The following ABL1 variants were observed in gnomAD, a reference collection of about 807,000 sequenced individuals.
The protein encoded by ABL1 is tyrosine-protein kinase ABL1.
A neutral mutation model predicts 94.7 loss-of-function variants in ABL1; 11 were observed. That is an observed-to-expected ratio of 0.12 (90% CI 0.07 to 0.19). The LOEUF (loss-of-function observed/expected upper bound fraction) is 0.19, where lower values mean the gene tolerates loss of function less well. ABL1 is among the 10% of genes least tolerant of loss of function. ABL1 has a pLI of 1.00. For synonymous variants in ABL1, 656 were observed against 622.4 expected (o/e 1.05, Z -0.80); for missense variants, 1,082 against 1,489.4 (o/e 0.73, Z 4.50).
chr9:130,799,058 G>A (rs1450498894), intron 1 of ABL1, among the ~76,000 whole-genome samples: 1 of 151,706 alleles, frequency 6.6e-6, no homozygotes, highest in Non-Finnish European at 1.5e-5. Context: ...ACTCTATGAT[G>A]TATATGAGTT....
intron 1 of ABL1, among the ~76,000 whole-genome samples, chr9:130,819,010 C>T (rs1402635890): frequency 6.6e-6 from 1 of 152,114 alleles, no homozygotes; most frequent in Non-Finnish European, 1.5e-5. Flanking sequence ...GTCTGATTCT[C>T]CCTCTCTCTC....
exon 1 of ABL1, chr9:130,714,167 T>G (rs545483793): frequency 1.5e-6 from 1 of 679,502 alleles, no homozygotes; most frequent in African/African-American, 1.8e-5. Flanking sequence ...CCTTTTGTTA[T>G]GGAAGATGTC....
chr9:130,809,440 G>A (rs966558196), intron 1 of ABL1, among the ~76,000 whole-genome samples: 2 of 150,910 alleles, frequency 1.3e-5, no homozygotes, highest in Non-Finnish European at 2.9e-5. Flanking sequence ...GTGTGTGTGT[G>A]TGTGCACGTG....
At chr9:130,868,438 G>T (rs147376678) in intron 4 of ABL1, among the ~76,000 whole-genome samples, 1,523 of 152,240 alleles carry the variant, frequency 0.01, 31 homozygotes, top group African/African-American at 0.032. Context: ...TGCTCAGGGA[G>T]GGGGTCCCTG....
chr9:130,885,667 A>C lies in ABL1; in HGVS notation c.3377A>C (p.Asp1126Ala). 1 of 1,612,274 alleles carries C rather than the reference A, an allele frequency of 6.2e-7. No homozygotes were observed. The highest frequency in any genetic ancestry group is 8.5e-7 in the Non-Finnish European group (1 of 1,179,524). ...CTCAGTTCGGTGAAGGAAATCAGTG[A>C]CATAGTGCAGAGGTAGCAGCAGTCA... ...KLLSSVKEIS[D>A]IVQR Residue 1126 changes from aspartate (D) to alanine (A), a missense_variant, in exon 11 of 11, where the codon GAC (aspartate) becomes GCC (alanine). Physicochemically the swap from Asp to Ala is moderately radical, Grantham distance 126. This residue lies in a region of ABL1 where 780 missense variants were observed against 835.8 expected (regional missense o/e 0.93). Transcript: ENST00000318560.
intron 1 of ABL1, among the ~76,000 whole-genome samples, chr9:130,760,802 A>C (rs1832102447): frequency 6.6e-6 from 1 of 151,064 alleles, no homozygotes; most frequent in Admixed American, 6.6e-5. Context: ...AGCTGGGACT[A>C]CAGGCACGGG....
chr9:130,737,770 T>C (rs1308955240), intron 1 of ABL1, among the ~76,000 whole-genome samples: 2 of 151,886 alleles, frequency 1.3e-5, no homozygotes, highest in Non-Finnish European at 2.9e-5. Flanking sequence ...GGCATCTGCT[T>C]GTGCCTACTG....
rs1392697484 is a variant in ABL1 at position 130,872,486 on chromosome 9, A to G, written c.907+273A>G. 1.3e-5 allele frequency among the ~76,000 whole-genome samples: 2 copies of G among 152,260 alleles called. No individual in the cohort carries two copies. Among genetic ancestry groups the G allele is most frequent in the African/African-American group, 4.8e-5 (2 of 41,478 alleles). On this transcript the variant is annotated intron_variant, in intron 5 of 10. Coordinates refer to ENST00000318560, the MANE Select transcript of ABL1 (RefSeq NM_005157.6). This position sits in a 1 kb window ranked among gnomAD's most constrained non-coding sequence, Gnocchi z 5.0. The stretch of plus-strand genomic sequence containing the variant: ...TGCAAATCTGAAATTAGTTTCTGAA[A>G]CTTGGGCATTTTCCAGAGTTTTCTC...
At chr9:130,780,660 T>TA (rs1051546747) in intron 1 of ABL1, among the ~76,000 whole-genome samples, 14 of 152,032 alleles carry the variant, frequency 9.2e-5, no homozygotes, top group African/African-American at 2.2e-4. Context: ...TTTATTTAGA[T>TA]AAAAAAAAGT....
intron 1 of ABL1, among the ~76,000 whole-genome samples, chr9:130,829,088 T>C (rs923681201): frequency 6.6e-5 from 10 of 152,178 alleles, no homozygotes; most frequent in African/African-American, 2.2e-4. Flanking sequence ...AACTAGATAG[T>C]AGCAGATAAA....
intron 1 of ABL1, among the ~76,000 whole-genome samples, chr9:130,759,255 T>A (rs1157645274): frequency 6.6e-6 from 1 of 152,196 alleles, no homozygotes; most frequent in Non-Finnish European, 1.5e-5. Context: ...TGTAAGAGGA[T>A]CAGCTTCTGT....
At chr9:130,728,858 G>T (rs1831625916) in intron 1 of ABL1, among the ~76,000 whole-genome samples, 1 of 151,936 alleles carries the variant, frequency 6.6e-6, no homozygotes, top group South Asian at 2.1e-4. Context: ...TGCTTTTTCT[G>T]TACATTATGA....
chr9:130,881,670 C>T (rs35002229), intron 10 of ABL1, among the ~76,000 whole-genome samples: 4,401 of 152,182 alleles, frequency 0.029, 107 homozygotes, highest in Middle Eastern at 0.082. Context: ...GGGGACTCAG[C>T]CAACCCATAT....
intron 4 of ABL1, among the ~76,000 whole-genome samples, chr9:130,865,293 T>C (rs1261939665): frequency 1.3e-5 from 2 of 152,362 alleles, no homozygotes; most frequent in Admixed American, 6.5e-5. Context: ...AAAGGCAGTA[T>C]GTCCCTTTCT....
Position 130,854,124 on chromosome 9 carries a change from G to T in ABL1, c.140G>T (p.Arg47Leu). ...FEPQGLSEAARWNSKENLLAG... is the reference protein window; with the variant it reads ...FEPQGLSEAALWNSKENLLAG... ...CCTCAGGGTCTGAGTGAAGCCGCTC[G>T]TTGGAACTCCAAGGAAAACCTTCTC... The change falls in exon 2 of 11, where the codon CGT (arginine) becomes CTT (leucine). Residue 47 changes from arginine to leucine, a missense_variant. Physicochemically the swap from Arg to Leu is moderately radical, Grantham distance 102. Around this residue, in one of 7 missense-constraint regions of ABL1, gnomAD observed 65 missense variants for 80.8 expected, o/e 0.80. Transcript: ENST00000318560. 3 of 1,614,094 alleles carry T rather than the reference G, an allele frequency of 1.9e-6. No homozygotes were observed. The highest frequency in any genetic ancestry group is 1.6e-4 in the Middle Eastern group (1 of 6,062).
chr9:130,772,447 C>A (rs1588233399), intron 1 of ABL1, among the ~76,000 whole-genome samples: 2 of 152,178 alleles, frequency 1.3e-5, no homozygotes, highest in East Asian at 3.8e-4. Flanking sequence ...ACACTGGATT[C>A]AAATGCTAGA....
At chr9:130,769,648 T>G (rs1185252050) in intron 1 of ABL1, among the ~76,000 whole-genome samples, 3 of 152,144 alleles carry the variant, frequency 2.0e-5, no homozygotes, top group Non-Finnish European at 4.4e-5. Context: ...CCCTAGTCTT[T>G]TATTGTATTG....
chr9:130,718,189 G>T (rs1171372296), intron 1 of ABL1, among the ~76,000 whole-genome samples: 2 of 149,414 alleles, frequency 1.3e-5, no homozygotes, highest in Non-Finnish European at 3.0e-5. Context: ...GTGGTGGCAT[G>T]CACCTGTAAT....
chr9:130,861,630 G>A (rs1306813246), intron 3 of ABL1, among the ~76,000 whole-genome samples: 4 of 151,450 alleles, frequency 2.6e-5, no homozygotes, highest in East Asian at 3.9e-4. Context: ...TCTCCCTCTC[G>A]TCCCAAGCAT....
Sources: allele counts gnomAD v4.1 joint callset (sites outside exome capture counted in the v4.1 genomes callset), GRCh38; gene constraint gnomAD v4.1.1; regional missense constraint gnomAD v4.1.1; non-coding constraint Gnocchi (gnomAD v3.1); transcripts MANE v1.5; gene names NCBI Gene and HGNC (gene_info 2026-07-23, HGNC 2026-07-21).